The following ATAD3C variants were observed in gnomAD, a reference collection of about 807,000 sequenced individuals.
The protein encoded by ATAD3C is ATPase family AAA domain-containing protein 3C.
In ATAD3C, 38 loss-of-function variants were observed where a neutral mutation model predicts 46.3. The ratio of observed to expected loss-of-function variants is 0.82; its 90% CI spans 0.63 to 1.08. The LOEUF is 1.08. Among genes scored for constraint, ATAD3C ranks in the 50% least tolerant of loss-of-function variants. ATAD3C has a pLI of 0.00. For synonymous variants in ATAD3C, 220 were observed against 236.4 expected (o/e 0.93, Z 0.63); for missense variants, 563 against 572.7 (o/e 0.98, Z 0.17).
chr1:1,468,323 C>A (rs1210543380), intron 11 of ATAD3C, 61 bp from the exon 12 acceptor site: 12 of 1,559,602 alleles, frequency 7.7e-6, no homozygotes, highest in Middle Eastern at 1.8e-4. Context: ...AGGGCCCTGG[C>A]GTGCATTTGG....
rs546896768 is a variant in ATAD3C, at chr1:1,460,545, C to T, written c.813-205C>T. 4.3e-4 allele frequency among the ~76,000 whole-genome samples: 65 copies of T among 152,142 alleles called. 1 individual carries two copies. Among genetic ancestry groups the T allele is most frequent in the Admixed American group, 1.9e-3 (29 of 15,264 alleles). On this transcript the variant is annotated intron_variant, in intron 9 of 11. Transcript: ENST00000378785. ...GGGCAAGAACAGAGGCCCAGGAAGC[C>T]GGGCAGGGGGACAGCTGGGCGTGGT... is the stretch of plus-strand genomic sequence containing the variant.
intron 11 of ATAD3C, among the ~76,000 whole-genome samples, chr1:1,466,800 G>A (rs966610017): frequency 1.3e-5 from 2 of 151,830 alleles, no homozygotes; most frequent in African/African-American, 2.4e-5. Flanking sequence ...CTTTTCCAAC[G>A]ATGCTCATCA....
chr1:1,460,975 G>A (rs1250415788), intron 10 of ATAD3C, 58 bp downstream of exon 10: 4 of 1,530,872 alleles, frequency 2.6e-6, no homozygotes, highest in Admixed American at 3.8e-5. Context: ...GTCCACCCCT[G>A]CTCCTGTTCT....
chr1:1,460,039 C>T (rs989987573), intron 9 of ATAD3C, among the ~76,000 whole-genome samples: 45 of 151,212 alleles, frequency 3.0e-4, no homozygotes, highest in African/African-American at 9.9e-4. Context: ...CCCGGGCCCC[C>T]GAGGTCCTGC....
intron 5 of ATAD3C, 38 bp from the exon 6 acceptor site, chr1:1,455,753 G>A (rs767795654): frequency 1.2e-6 from 2 of 1,611,732 alleles, no homozygotes; most frequent in East Asian, 2.2e-5. Context: ...TTCTGTGGGT[G>A]CAGACTGTGT....
chr1:1,458,304 G>T (rs1452642710), intron 8 of ATAD3C, among the ~76,000 whole-genome samples: 3 of 146,504 alleles, frequency 2.0e-5, no homozygotes, highest in Non-Finnish European at 4.5e-5. Context: ...TTTAAGACAG[G>T]GTCTCTGTCG....
Position 1,456,181 on chromosome 1 carries a change from C to T in ATAD3C, c.565-44C>T, listed in dbSNP as rs770017323. 1.9e-5 allele frequency: 29 copies of T among 1,537,256 alleles called. 1 individual carries two copies. The highest frequency in any genetic ancestry group is 3.8e-5 in the South Asian group (3 of 79,898). ...GTGGAGTGTGCAGGCTTTGCAGAGGCGGAGGGAACATCTGTTCTGTCTCCC... is the reference window on the plus strand; with the variant it reads ...GTGGAGTGTGCAGGCTTTGCAGAGGTGGAGGGAACATCTGTTCTGTCTCCC... On this transcript the variant is annotated intron_variant, in intron 6 of 11. Coordinates refer to ENST00000378785, the MANE Select transcript of ATAD3C (RefSeq NM_001039211.3).
At chr1:1,456,184 AG>A in intron 6 of ATAD3C, 40 bp from the exon 7 acceptor site, 1 of 1,532,640 alleles carries the variant, frequency 6.5e-7, no homozygotes. Flanking sequence ...GCAGAGGCGG[AG>A]GGAACATCTG....
chr1:1,468,533 C>T lies in ATAD3C; in HGVS notation c.*3C>T, dbSNP rs1265242271. On this transcript the variant is annotated 3_prime_UTR_variant, in exon 12 of 12. Transcript: ENST00000378785. ...AGGACGAGCAACCCTCATCCTGAGT[C>T]CATGGGGAGACCACACCTCACGGAG... 4.4e-6 allele frequency: 7 copies of T among 1,601,514 alleles called. No homozygotes were observed. The highest frequency in any genetic ancestry group is 6.0e-6 in the Non-Finnish European group (7 of 1,173,698).
chr1:1,452,547 C>A, intron 3 of ATAD3C, 113 bp downstream of exon 3: 1 of 1,540,202 alleles, frequency 6.5e-7, no homozygotes, highest in South Asian at 1.2e-5. Context: ...GGCGCTCTCC[C>A]AGCATGGAAC....
rs543400488 is a variant in ATAD3C at position 1,461,535 on chromosome 1, T to C, written c.980+618T>C. On this transcript the variant is annotated intron_variant, in intron 10 of 11. Transcript: ENST00000378785. Reference sequence around the variant, plus strand: ...CGCGGAGAGCTGTGAGGAAATCCTGTACCTGGCCACCCCCAGACCCTGGCA... The same window carrying C: ...CGCGGAGAGCTGTGAGGAAATCCTGCACCTGGCCACCCCCAGACCCTGGCA... Among the ~76,000 whole-genome samples the C allele has an allele frequency of 5.2e-4, 79 of 150,870 alleles. 2 individuals carry two copies. The highest frequency in any genetic ancestry group is 7.4e-4 in the Non-Finnish European group (50 of 67,918).
chr1:1,453,503 A>AT (rs1171731840), intron 3 of ATAD3C, among the ~76,000 whole-genome samples: 3 of 151,746 alleles, frequency 2.0e-5, no homozygotes, highest in Non-Finnish European at 4.4e-5. Context: ...TGCCCGGCCA[A>AT]TTTTTGTATT....
intron 8 of ATAD3C, among the ~76,000 whole-genome samples, chr1:1,458,142 A>T (rs1570151087): frequency 7.1e-6 from 1 of 140,078 alleles, no homozygotes; most frequent in African/African-American, 2.7e-5. Context: ...CCACATCCAG[A>T]TAAGTTTTTT....
At chr1:1,455,566 G>T (rs547937868) in intron 5 of ATAD3C, 47 bp downstream of exon 5, 1 of 1,611,006 alleles carries the variant, frequency 6.2e-7, no homozygotes, top group South Asian at 1.1e-5. Flanking sequence ...AGGGGACCCC[G>T]GAGCTGGGCT....
chr1:1,452,494 C>G, intron 3 of ATAD3C, 60 bp downstream of exon 3: 1 of 1,610,908 alleles, frequency 6.2e-7, no homozygotes, highest in Non-Finnish European at 8.5e-7. Context: ...TGGGGGCCTC[C>G]TGGAGCCACA....
At chr1:1,464,823 T>G (rs1255930376) in intron 11 of ATAD3C, among the ~76,000 whole-genome samples, 1 of 151,966 alleles carries the variant, frequency 6.6e-6, no homozygotes, top group Non-Finnish European at 1.5e-5. Context: ...TAATTGAGGT[T>G]TTCACAGGGA....
At chr1:1,454,027 G>C (rs1014232258) in intron 3 of ATAD3C, among the ~76,000 whole-genome samples, 2 of 152,068 alleles carry the variant, frequency 1.3e-5, no homozygotes, top group African/African-American at 4.8e-5. Flanking sequence ...GGCCAAGAAT[G>C]TACCGAGGGT....
At position 1,462,849 on chromosome 1, in the gene ATAD3C, C is replaced by CAGGGG; in HGVS notation, c.1089+141_1089+142insAGGGG. The CAGGGG allele has an allele frequency of 1.8e-6, 2 of 1,088,470 alleles. No homozygotes were observed. The highest frequency in any genetic ancestry group is 1.3e-6 in the Non-Finnish European group (1 of 767,332). The allele number at this position is 1,088,470 out of a possible 1,614,324, so 67.4% of individuals were successfully genotyped here. A position where few individuals can be genotyped will look rare whatever the true frequency, so the allele number is the denominator to read the frequency against. Reference sequence around the variant, plus strand: ...TTCAGTGCACAGATGTGACACGGGGCCCCTGCCCCAGTTGGGCCACTCCAC... The same window carrying CAGGGG: ...TTCAGTGCACAGATGTGACACGGGGCAGGGGCCCTGCCCCAGTTGGGCCACTCCAC... On this transcript the variant is annotated intron_variant, in intron 11 of 11. Transcript: ENST00000378785. This position sits in a 1 kb window ranked among gnomAD's most constrained non-coding sequence, Gnocchi z 4.5.
chr1:1,455,110 G>C (rs1021021974), intron 4 of ATAD3C, among the ~76,000 whole-genome samples: 1 of 150,284 alleles, frequency 6.7e-6, no homozygotes, highest in Non-Finnish European at 1.5e-5. Context: ...CCAGCTACTC[G>C]GGAGGCTGAG....
Sources: gnomAD v4.1 joint callset for allele counts (sites outside exome capture counted in the v4.1 genomes callset) on GRCh38, gnomAD v4.1.1 for gene constraint, Gnocchi (gnomAD v3.1) non-coding constraint, MANE v1.5 for transcripts, NCBI Gene and HGNC (gene_info 2026-07-23, HGNC 2026-07-21) for gene names.